The following CHLSN variants were observed in gnomAD, a reference collection of about 807,000 sequenced individuals.
CHLSN encodes the protein protein cholesin.
At chr7:1,057,946 C>G in the CHLSN span, 1 of 773,206 alleles carries the variant, frequency 1.3e-6, no homozygotes, top group Non-Finnish European at 2.4e-6. Context: ...GTGTACAACA[C>G]GCGGCACGTG....
At chr7:980,547 A>T in the CHLSN span, among the ~76,000 whole-genome samples, 2 of 152,186 alleles carry the variant, frequency 1.3e-5, no homozygotes, top group Non-Finnish European at 2.9e-5. Context: ...AGATATTTTT[A>T]TCAGGATGTT....
the CHLSN span, among the ~76,000 whole-genome samples, chr7:1,094,435 G>A: frequency 6.6e-6 from 1 of 152,206 alleles, no homozygotes; most frequent in Non-Finnish European, 1.5e-5. Context: ...CTATGATACT[G>A]TTTTTTATTT....
At chr7:990,399 G>A in the CHLSN span, among the ~76,000 whole-genome samples, 10 of 151,952 alleles carry the variant, frequency 6.6e-5, no homozygotes, top group Admixed American at 3.3e-4. Flanking sequence ...GGTGTGATGG[G>A]ACACCTGCTG....
the CHLSN span, among the ~76,000 whole-genome samples, chr7:1,078,443 C>T: frequency 1.3e-5 from 2 of 152,174 alleles, no homozygotes; most frequent in African/African-American, 4.8e-5. Context: ...CCCGTGAGAC[C>T]TGGGGTTAAA....
At chr7:1,023,899 G>A in the CHLSN span, among the ~76,000 whole-genome samples, 2 of 152,128 alleles carry the variant, frequency 1.3e-5, no homozygotes, top group Non-Finnish European at 2.9e-5. This position sits in a 1 kb window ranked among gnomAD's most constrained non-coding sequence, Gnocchi z 5.0. Context: ...GGACTGCAGC[G>A]GCACCATCAC....
chr7:986,825 A>G, the CHLSN span: 1 of 1,499,116 alleles, frequency 6.7e-7, no homozygotes, highest in Non-Finnish European at 8.9e-7. Context: ...ACCTCCTTGA[A>G]GGCCTGTAGG....
the CHLSN span, among the ~76,000 whole-genome samples, chr7:1,069,491 C>T: frequency 1.4e-5 from 2 of 144,422 alleles, no homozygotes; most frequent in African/African-American, 5.1e-5. Flanking sequence ...TGCCGAGTGC[C>T]TGCGATTGCA....
the CHLSN span, among the ~76,000 whole-genome samples, chr7:1,098,853 G>A: frequency 1.3e-5 from 2 of 152,262 alleles, no homozygotes; most frequent in Non-Finnish European, 2.9e-5. Context: ...AGCCACTGCT[G>A]ACAGGCAATG....
chr7:1,070,884 G>C, the CHLSN span, among the ~76,000 whole-genome samples: 1 of 143,078 alleles, frequency 7.0e-6, no homozygotes, highest in Non-Finnish European at 1.5e-5. Context: ...ACGTGCACAT[G>C]CACACACGTG....
the CHLSN span, chr7:1,055,240 G>A: frequency 2.1e-6 from 1 of 471,134 alleles, no homozygotes; most frequent in East Asian, 6.9e-5. Flanking sequence ...GGTGGCGCCT[G>A]CCAAGGGAGG....
the CHLSN span, among the ~76,000 whole-genome samples, chr7:1,016,561 G>C: frequency 1.0e-3 from 142 of 140,198 alleles, 7 homozygotes; most frequent in African/African-American, 3.8e-3. Context: ...GCGCACAGCA[G>C]CGCACACCAG....
the CHLSN span, among the ~76,000 whole-genome samples, chr7:1,010,640 G>T: frequency 1.3e-5 from 2 of 152,192 alleles, no homozygotes; most frequent in Non-Finnish European, 2.9e-5. Flanking sequence ...GCTGCAGGCT[G>T]GGGACAGGGA....
the CHLSN span, among the ~76,000 whole-genome samples, chr7:1,054,476 C>A: frequency 5.9e-5 from 9 of 152,256 alleles, no homozygotes; most frequent in Non-Finnish European, 7.3e-5. Flanking sequence ...GGTGACAGCA[C>A]GCACTCGAGA....
chr7:1,099,878 G>A, the CHLSN span, among the ~76,000 whole-genome samples: 13 of 152,348 alleles, frequency 8.5e-5, no homozygotes, highest in East Asian at 2.5e-3. Context: ...CCACGGTGCA[G>A]CAGACGCACC....
At chr7:986,041 G>A in the CHLSN span, among the ~76,000 whole-genome samples, 4 of 152,282 alleles carry the variant, frequency 2.6e-5, no homozygotes, top group Non-Finnish European at 5.9e-5. Context: ...GAGGCTGCAC[G>A]GCACTGCGTG....
At chr7:992,666 C>T in the CHLSN span, among the ~76,000 whole-genome samples, 8 of 152,222 alleles carry the variant, frequency 5.3e-5, no homozygotes, top group Admixed American at 2.0e-4. Flanking sequence ...GGCTGGAAGC[C>T]GGCCTCACTC....
the CHLSN span, among the ~76,000 whole-genome samples, chr7:1,035,713 C>T: frequency 2.0e-5 from 3 of 152,174 alleles, no homozygotes; most frequent in African/African-American, 7.2e-5. Context: ...GGCACAGTCA[C>T]TTGGAAGTCA....
the CHLSN span, chr7:989,186 T>C: frequency 3.6e-6 from 1 of 274,506 alleles, no homozygotes; most frequent in Non-Finnish European, 6.9e-6. Context: ...GGTGGCTGCA[T>C]CCAGCCAGAG....
the CHLSN span, among the ~76,000 whole-genome samples, chr7:1,032,368 G>T: frequency 6.6e-6 from 1 of 152,244 alleles, no homozygotes; most frequent in Non-Finnish European, 1.5e-5. Flanking sequence ...TCACTTTCGT[G>T]GCATCACGAG....
Sources: allele counts gnomAD v4.1 joint callset (sites outside exome capture counted in the v4.1 genomes callset), GRCh38; gene constraint gnomAD v4.1.1; non-coding constraint Gnocchi (gnomAD v3.1); transcripts MANE v1.5; gene names NCBI Gene and HGNC (gene_info 2026-07-23, HGNC 2026-07-21).